PCID2: variants seen among roughly 807,000 people sequenced by gnomAD.
The protein encoded by PCID2 is PCI domain containing 2.
Under a neutral mutation model 61.3 loss-of-function variants are expected in PCID2, and 41 were observed. That is an observed-to-expected ratio of 0.67 (90% CI 0.52 to 0.87). PCID2 has a LOEUF of 0.87. PCID2 is among the 40% of genes least tolerant of loss of function. PCID2 has a pLI of 0.00. For missense variants in PCID2, 392 were observed against 493.4 expected (o/e 0.79, Z 1.95); for synonymous variants, 187 against 177.8 (o/e 1.05, Z -0.41).
intron 6 of PCID2, among the ~76,000 whole-genome samples, chr13:113,191,216 T>G (rs1007352320): frequency 2.8e-4 from 43 of 151,628 alleles, no homozygotes; most frequent in African/African-American, 9.2e-4. Context: ...TTTTTTTTTG[T>G]AGAGACAGGG....
In PCID2 at chr13:113,177,973, G is replaced by C. The variant is rs973437212; in HGVS notation, c.*225C>G. The C allele has an allele frequency of 2.5e-6, 1 of 400,448 alleles. No individual in the cohort carries two copies. The highest frequency in any genetic ancestry group is 4.6e-6 in the Non-Finnish European group (1 of 218,252). The allele number at this position is 400,448 out of a possible 1,614,324, so 24.8% of individuals were successfully genotyped here. A position where few individuals can be genotyped will look rare whatever the true frequency, so the allele number is the denominator to read the frequency against. ...TCTCACAAAGACTCCAGAACCAGCCGAGTCTGTGAAAAAGGAATTCCAGGT... is the reference window on the plus strand; with the variant it reads ...TCTCACAAAGACTCCAGAACCAGCCCAGTCTGTGAAAAAGGAATTCCAGGT... On this transcript the variant is annotated 3_prime_UTR_variant, in exon 14 of 14. Coordinates refer to ENST00000337344, the MANE Select transcript of PCID2 (RefSeq NM_001127202.4).
the PCID2 span, among the ~76,000 whole-genome samples, chr13:113,169,593 A>AT: frequency 6.6e-6 from 1 of 152,304 alleles, no homozygotes; most frequent in East Asian, 1.9e-4. Context: ...CCTTTGGCAC[A>AT]TTGCTCTTAA....
the PCID2 span, chr13:113,172,526 C>A: frequency 3.3e-6 from 1 of 304,970 alleles, no homozygotes; most frequent in Non-Finnish European, 6.4e-6. Flanking sequence ...AAAGTGACCT[C>A]CTCTGTTGGT....
At chr13:113,170,324 G>T in the PCID2 span, 1 of 798,398 alleles carries the variant, frequency 1.3e-6, no homozygotes. Flanking sequence ...GGGGTGGGGG[G>T]GTGGTCCATA....
chr13:113,171,657 G>A, the PCID2 span: 26 of 1,614,084 alleles, frequency 1.6e-5, no homozygotes, highest in African/African-American at 4.0e-5. The surrounding 1 kb of genome is among the most constrained non-coding windows in gnomAD (Gnocchi z 5.1). Context: ...GTGCACATGC[G>A]GTATGACGCG....
intron 1 of PCID2, among the ~76,000 whole-genome samples, chr13:113,203,318 A>G (rs777388900): frequency 2.6e-5 from 4 of 152,228 alleles, no homozygotes; most frequent in Non-Finnish European, 4.4e-5. Context: ...CTGCTGCTCA[A>G]CGTCACATCA....
At chr13:113,207,750 A>G (rs75711495) in intron 1 of PCID2, among the ~76,000 whole-genome samples, 2,809 of 152,322 alleles carry the variant, frequency 0.018, 80 homozygotes, top group African/African-American at 0.063. Context: ...AACATGCCCA[A>G]AACTTTATTT....
the PCID2 span, chr13:113,171,529 C>T: frequency 9.8e-3 from 15,710 of 1,605,792 alleles, 1,145 homozygotes; most frequent in East Asian, 0.19. This position sits in a 1 kb window ranked among gnomAD's most constrained non-coding sequence, Gnocchi z 5.1. Flanking sequence ...CTGAGAAGCT[C>T]GTTTGAGCAT....
chr13:113,208,023 C>A (rs1213020324), intron 1 of PCID2: 2 of 1,612,108 alleles, frequency 1.2e-6, no homozygotes, highest in African/African-American at 2.7e-5. Flanking sequence ...CTGCTACTTA[C>A]AAGCTGTTGA....
intron 1 of PCID2, chr13:113,208,070 A>T (rs2040054236): frequency 6.2e-7 from 1 of 1,612,804 alleles, no homozygotes; most frequent in Non-Finnish European, 8.5e-7. Flanking sequence ...AGCGATATGA[A>T]GTGTGCATTG....
At chr13:113,190,370 C>T (rs1303278093) in intron 7 of PCID2, among the ~76,000 whole-genome samples, 2 of 151,876 alleles carry the variant, frequency 1.3e-5, no homozygotes, top group African/African-American at 4.8e-5. Context: ...GCAAAGGAAA[C>T]CAGATGGAAT....
chr13:113,206,138 A>G (rs2039792689), intron 1 of PCID2, among the ~76,000 whole-genome samples: 3 of 152,252 alleles, frequency 2.0e-5, no homozygotes, highest in Admixed American at 1.3e-4. Flanking sequence ...CTCTTCTTCA[A>G]TAAAATACCA....
chr13:113,206,984 C>T (rs1408407410), intron 1 of PCID2, among the ~76,000 whole-genome samples: 1 of 152,144 alleles, frequency 6.6e-6, no homozygotes, highest in African/African-American at 2.4e-5. Context: ...TCAGTTTACA[C>T]ACATAGAGTA....
At chr13:113,183,197 A>G (rs1334948391) in intron 9 of PCID2, among the ~76,000 whole-genome samples, 1 of 152,166 alleles carries the variant, frequency 6.6e-6, no homozygotes, top group African/African-American at 2.4e-5. Context: ...ATGGCTTCCT[A>G]TTTCTTTTAT....
chr13:113,168,195 C>T, the PCID2 span, among the ~76,000 whole-genome samples: 1 of 152,234 alleles, frequency 6.6e-6, no homozygotes, highest in Non-Finnish European at 1.5e-5. Context: ...AGGAAAAAAA[C>T]CTTACATATA....
chr13:113,208,556 G>C (rs780021015), intron 1 of PCID2, 43 bp downstream of exon 1: 40 of 1,599,508 alleles, frequency 2.5e-5, no homozygotes, highest in Non-Finnish European at 3.2e-5. Context: ...GGAACACGCC[G>C]AGGGCCAACC....
chr13:113,208,128 GAGCCCGGCCTGC>G (rs2040064153), intron 1 of PCID2: 4 of 1,607,700 alleles, frequency 2.5e-6, no homozygotes, highest in Admixed American at 1.7e-5. Context: ...CGAGGGGCAC[GAGCCCGGCCTGC>G]AGCACGGCCA....
chr13:113,170,555 A>G, the PCID2 span: 2 of 1,347,360 alleles, frequency 1.5e-6, no homozygotes, highest in South Asian at 1.2e-5. Context: ...ATGAGTTTTT[A>G]TAAAACCACA....
intron 9 of PCID2, among the ~76,000 whole-genome samples, chr13:113,182,931 T>C (rs987347779): frequency 6.6e-6 from 1 of 152,118 alleles, no homozygotes; most frequent in Non-Finnish European, 1.5e-5. Context: ...ATTAATAAAT[T>C]AATAAAAGTA....
Sources: allele counts gnomAD v4.1 joint callset (sites outside exome capture counted in the v4.1 genomes callset), GRCh38; gene constraint gnomAD v4.1.1; non-coding constraint Gnocchi (gnomAD v3.1); transcripts MANE v1.5; gene names NCBI Gene and HGNC (gene_info 2026-07-23, HGNC 2026-07-21).